CUEDC1: variants seen among roughly 807,000 people sequenced by gnomAD.
CUEDC1 encodes CUE domain containing 1.
CUEDC1 carries 30 observed loss-of-function variants against 43.7 expected under a neutral mutation model. The observed-to-expected ratio is 0.69, with a 90% CI of 0.51 to 0.93. CUEDC1 has a LOEUF of 0.93. CUEDC1 is among the 40% of genes least tolerant of loss of function. The pLI, the probability that CUEDC1 is intolerant of heterozygous loss-of-function variation, is 0.00. For missense variants in CUEDC1, 486 were observed against 549.0 expected, an observed-to-expected ratio of 0.89 and a Z score of 1.15; for synonymous variants, 223 against 223.6, an observed-to-expected ratio of 1.00 and a Z score of 0.02.
At chr17:57,936,890 G>A (rs1368721901) in intron 1 of CUEDC1, among the ~76,000 whole-genome samples, 8 of 149,746 alleles carry the variant, frequency 5.3e-5, no homozygotes, top group Admixed American at 2.7e-4. Flanking sequence ...GCGTGATCTC[G>A]GCTCACTGCA....
At chr17:57,876,913 C>G (rs57460613) in intron 3 of CUEDC1, among the ~76,000 whole-genome samples, 25,005 of 152,222 alleles carry the variant, frequency 0.16, 2,649 homozygotes, top group African/African-American at 0.29. Flanking sequence ...TTCAATCCTC[C>G]TAACAGTGCT....
intron 8 of CUEDC1, 84 bp from the exon 9 acceptor site, chr17:57,867,499 C>T (rs2073977169): frequency 1.6e-6 from 2 of 1,262,802 alleles, no homozygotes; most frequent in Middle Eastern, 1.8e-4. Context: ...TCTGCCCCAC[C>T]CCTCAAAGCT....
chr17:57,901,380 T>C (rs372705935), intron 1 of CUEDC1, among the ~76,000 whole-genome samples: 1 of 152,240 alleles, frequency 6.6e-6, no homozygotes, highest in Admixed American at 6.5e-5. Flanking sequence ...ATAAAGTTCC[T>C]GTCTAGTTGA....
rs559148327 is a variant in CUEDC1 at position 57,934,925 on chromosome 17, C to T, written c.-316+20300G>A. Among the ~76,000 whole-genome samples, 3 of 152,272 alleles carry T rather than the reference C, an allele frequency of 2.0e-5. No homozygotes were observed. In the South Asian group the frequency reaches 6.2e-4, roughly 32 times the overall value. ...GTTTCGCCATGTTGCTCAGGCTGGT[C>T]TCGAACTCCTGAGCTCAGGTGATCC... On this transcript the variant is annotated intron_variant, in intron 1 of 10. Transcript: ENST00000577830.
chr17:57,905,290 A>T (rs1021482257), intron 1 of CUEDC1, among the ~76,000 whole-genome samples: 8 of 145,582 alleles, frequency 5.5e-5, no homozygotes, highest in Non-Finnish European at 7.6e-5. Flanking sequence ...ACACACACAC[A>T]CTCCAGCCTG....
intron 1 of CUEDC1, among the ~76,000 whole-genome samples, chr17:57,940,380 T>C (rs2074906468): frequency 6.6e-6 from 1 of 152,186 alleles, no homozygotes; most frequent in South Asian, 2.1e-4. Context: ...TTCTCTCCTC[T>C]ACATTTGCCA....
chr17:57,882,053 A>G (rs531889316), intron 2 of CUEDC1, among the ~76,000 whole-genome samples: 50 of 152,168 alleles, frequency 3.3e-4, no homozygotes, highest in Non-Finnish European at 1.3e-4. Flanking sequence ...TCCTGGCTTA[A>G]CTCATTGTGG....
chr17:57,868,320 G>T (rs1238402158), intron 7 of CUEDC1, 77 bp from the exon 8 acceptor site: 6 of 1,335,532 alleles, frequency 4.5e-6, no homozygotes, highest in African/African-American at 1.5e-5. Flanking sequence ...TGTGGGAAAG[G>T]CCAGGGGAGG....
In CUEDC1 at chr17:57,868,650, C is replaced by G. The variant is rs1465674531; in HGVS notation, c.941-407G>C. On this transcript the variant is annotated intron_variant, in intron 7 of 10. Coordinates refer to ENST00000577830, the MANE Select transcript of CUEDC1 (RefSeq NM_001271875.2). ...TTTCCATGACTAATCCGAGATTTTC[C>G]TTGAAATGGAGCCTGAAAGGATCGC... Among the ~76,000 whole-genome samples the G allele has an allele frequency of 2.0e-5, 3 of 152,296 alleles. No individual in the cohort carries two copies. The East Asian group carries it at 5.8e-4, about 29-fold the overall frequency.
rs1355862545 is a variant in CUEDC1 at position 57,954,535 on chromosome 17, AG to A, written c.-316+689del. Among the ~76,000 whole-genome samples the A allele has an allele frequency of 1.3e-5, 2 of 152,138 alleles. No individual in the cohort carries two copies. The highest frequency in any genetic ancestry group is 1.9e-4 in the East Asian group (1 of 5,186). ...GGAGGAATGAATAAACGCTGACACC[AG>A]CCCCCCTTGGAGCTCAGAGCCTGGG... On this transcript the variant is annotated intron_variant, in intron 1 of 10. Transcript: ENST00000577830. The surrounding 1 kb of genome is among the most constrained non-coding windows in gnomAD (Gnocchi z 4.3).
intron 1 of CUEDC1, among the ~76,000 whole-genome samples, chr17:57,902,756 T>A (rs996818960): frequency 1.3e-5 from 2 of 152,238 alleles, no homozygotes; most frequent in African/African-American, 4.8e-5. Flanking sequence ...CGCTTTGCAT[T>A]CAGCCAGGCT....
intron 1 of CUEDC1, among the ~76,000 whole-genome samples, chr17:57,886,445 G>A (rs2685507): frequency 0.67 from 101,504 of 152,146 alleles, 34,267 homozygotes; most frequent in East Asian, 0.99. Flanking sequence ...GAACCCCGGG[G>A]ACAGCAGTGA....
intron 1 of CUEDC1, among the ~76,000 whole-genome samples, chr17:57,911,857 C>T (rs923932545): frequency 1.3e-5 from 2 of 152,168 alleles, no homozygotes; most frequent in Admixed American, 6.5e-5. Flanking sequence ...AGTGATTCCT[C>T]ATTAACCAGG....
intron 1 of CUEDC1, among the ~76,000 whole-genome samples, chr17:57,911,831 G>A (rs979395063): frequency 1.3e-5 from 2 of 152,086 alleles, no homozygotes; most frequent in African/African-American, 2.4e-5. Flanking sequence ...GGGCAGACTG[G>A]GACAGACATT....
chr17:57,939,596 G>T (rs2585843), intron 1 of CUEDC1, among the ~76,000 whole-genome samples: 1 of 151,952 alleles, frequency 6.6e-6, no homozygotes, highest in Non-Finnish European at 1.5e-5. Flanking sequence ...GCTTCTGGAC[G>T]TGTCTGGCCA....
chr17:57,873,623 G>A lies in CUEDC1; in HGVS notation c.559C>T (p.Arg187Cys), dbSNP rs371427368. 35 of 1,601,478 alleles carry A rather than the reference G, an allele frequency of 2.2e-5. No individual in the cohort carries two copies. The highest frequency in any genetic ancestry group is 2.6e-5 in the Non-Finnish European group (31 of 1,173,678). ...CTGTCCAGCTGCTGGGGCAGGATGCGGAGAAAGTCATCCGGAAGGTTGCCC... is the reference window on the plus strand; with the variant it reads ...CTGTCCAGCTGCTGGGGCAGGATGCAGAGAAAGTCATCCGGAAGGTTGCCC... ...LLGNLPDDFL[R>C]ILPQQLDSIQ... The change falls in exon 4 of 11, where the codon CGC becomes TGC. Residue 187 changes from arginine (R) to cysteine (C), a missense_variant. Physicochemically the swap from Arg to Cys is radical, Grantham distance 180 (BLOSUM62 -3). Coordinates refer to ENST00000577830, the MANE Select transcript of CUEDC1 (RefSeq NM_001271875.2).
chr17:57,943,383 T>C (rs1056383543), intron 1 of CUEDC1, among the ~76,000 whole-genome samples: 4 of 152,232 alleles, frequency 2.6e-5, no homozygotes. Context: ...CATTCTCTTA[T>C]TAAATCAGCT....
At chr17:57,865,080 A>G (rs2073937555) in intron 10 of CUEDC1, among the ~76,000 whole-genome samples, 1 of 152,168 alleles carries the variant, frequency 6.6e-6, no homozygotes, top group African/African-American at 2.4e-5. Flanking sequence ...GAATGAATGA[A>G]TGAATGAATG....
At chr17:57,938,824 G>A (rs1019167496) in intron 1 of CUEDC1, among the ~76,000 whole-genome samples, 9 of 151,590 alleles carry the variant, frequency 5.9e-5, no homozygotes, top group East Asian at 3.9e-4. Flanking sequence ...CACCACGCCC[G>A]GCTAATTTTA....
Sources: allele counts gnomAD v4.1 joint callset (sites outside exome capture counted in the v4.1 genomes callset), GRCh38; gene constraint gnomAD v4.1.1; non-coding constraint Gnocchi (gnomAD v3.1); transcripts MANE v1.5; gene names NCBI Gene and HGNC (gene_info 2026-07-23, HGNC 2026-07-21).